MAML3: variants seen among roughly 807,000 people sequenced by gnomAD.
The protein encoded by MAML3 is mastermind like transcriptional coactivator 3.
A neutral mutation model predicts 101.9 loss-of-function variants in MAML3; 27 were observed. The observed-to-expected ratio is 0.27, with a 90% CI of 0.20 to 0.37. The LOEUF (loss-of-function observed/expected upper bound fraction) is 0.37, where lower values mean the gene tolerates loss of function less well. Ranked by LOEUF, MAML3 falls within the 10% of genes least tolerant of loss-of-function variation. The probability of loss-of-function intolerance (pLI) is 1.00; values close to 1 mark genes in which losing one functional copy is unlikely to be tolerated. For missense variants in MAML3, 1,316 were observed against 1,444.9 expected (o/e 0.91, Z 1.45); for synonymous variants, 501 against 555.9 (o/e 0.90, Z 1.39).
In MAML3 at chr4:139,791,368, G is replaced by A. The variant is rs184510926; in HGVS notation, c.2080-60701C>T. 4.0e-5 allele frequency among the ~76,000 whole-genome samples: 6 copies of A among 151,752 alleles called. No homozygotes were observed. The South Asian group carries it at 8.4e-4, about 21-fold the overall frequency. ...AGAAATTAGCCAGGCATGGTGGCACGTGCCTGTAATCCCAGCTACTCTCGG... is the reference window on the plus strand; with the variant it reads ...AGAAATTAGCCAGGCATGGTGGCACATGCCTGTAATCCCAGCTACTCTCGG... On this transcript the variant is annotated intron_variant, in intron 2 of 4. Transcript: ENST00000509479.
chr4:140,134,473 C>A, intron 1 of MAML3: 1 of 401,652 alleles, frequency 2.5e-6, no homozygotes. Flanking sequence ...GTAAACAGAT[C>A]TATTCTCCAC....
intron 1 of MAML3, among the ~76,000 whole-genome samples, chr4:140,095,422 C>T (rs1343841504): frequency 1.3e-5 from 2 of 152,102 alleles, no homozygotes; most frequent in African/African-American, 4.8e-5. Context: ...CCCCAATTGG[C>T]AACAACACCC....
intron 2 of MAML3, among the ~76,000 whole-genome samples, chr4:139,830,923 A>C (rs368207337): frequency 1.3e-5 from 2 of 152,310 alleles, no homozygotes; most frequent in African/African-American, 4.8e-5. Context: ...TACTTTGAGG[A>C]TACAAAGGAT....
intron 2 of MAML3, among the ~76,000 whole-genome samples, chr4:139,872,036 AAT>A (rs1732018659): frequency 1.3e-5 from 2 of 152,198 alleles, no homozygotes; most frequent in Non-Finnish European, 2.9e-5. Flanking sequence ...AGCAGGCACT[AAT>A]TTTTTGTAGC....
At chr4:140,132,370 A>T (rs1481216333) in intron 1 of MAML3, among the ~76,000 whole-genome samples, 1 of 152,232 alleles carries the variant, frequency 6.6e-6, no homozygotes, top group Non-Finnish European at 1.5e-5. Flanking sequence ...CTGGTCCCTC[A>T]TAGACAAAGA....
chr4:139,924,809 T>A (rs1733189104), intron 1 of MAML3, among the ~76,000 whole-genome samples: 1 of 152,198 alleles, frequency 6.6e-6, no homozygotes, highest in East Asian at 1.9e-4. Context: ...TACTACCTTC[T>A]CTGGGAAGAG....
intron 1 of MAML3, among the ~76,000 whole-genome samples, chr4:140,012,833 A>G (rs549674506): frequency 3.3e-5 from 5 of 152,256 alleles, no homozygotes; most frequent in Admixed American, 6.5e-5. Flanking sequence ...ACCACTAATC[A>G]ATTAGAAATA....
At chr4:140,027,041 G>A (rs1205362218) in intron 1 of MAML3, among the ~76,000 whole-genome samples, 1 of 149,004 alleles carries the variant, frequency 6.7e-6, no homozygotes, top group African/African-American at 2.5e-5. Context: ...CTTAACACAA[G>A]AAAGAAAAAT....
At chr4:139,776,128 A>G (rs961183927) in intron 2 of MAML3, among the ~76,000 whole-genome samples, 2 of 152,260 alleles carry the variant, frequency 1.3e-5, no homozygotes, top group Admixed American at 6.5e-5. Flanking sequence ...CTTCCAATGC[A>G]TGTAGGCTGA....
chr4:139,914,890 G>A (rs1732998917), intron 1 of MAML3, among the ~76,000 whole-genome samples: 1 of 152,196 alleles, frequency 6.6e-6, no homozygotes, highest in Non-Finnish European at 1.5e-5. Context: ...AGTCTGGAGT[G>A]GATAACCCAA....
At chr4:140,152,582 C>T (rs1027212110) in intron 1 of MAML3, among the ~76,000 whole-genome samples, 1 of 151,976 alleles carries the variant, frequency 6.6e-6, no homozygotes, top group Admixed American at 6.5e-5. Flanking sequence ...GCACCTCACT[C>T]CGACGCTCCT....
chr4:139,996,714 TC>T (rs1176336006), intron 1 of MAML3, among the ~76,000 whole-genome samples: 4 of 151,944 alleles, frequency 2.6e-5, no homozygotes, highest in African/African-American at 9.7e-5. Flanking sequence ...TGTGTTTTAA[TC>T]CAGTCTGACA....
chr4:140,043,946 T>C (rs2110912445), intron 1 of MAML3, among the ~76,000 whole-genome samples: 1 of 152,302 alleles, frequency 6.6e-6, no homozygotes, highest in East Asian at 1.9e-4. Context: ...ATGAAAAGAT[T>C]ATAAATCTAA....
At position 139,846,811 on chromosome 4, in the gene MAML3, T is replaced by C. The variant is rs146551682; in HGVS notation, c.2079+42546A>G. Among the ~76,000 whole-genome samples the C allele has an allele frequency of 2.5e-4, 38 of 152,346 alleles. No individual in the cohort carries two copies. The East Asian group carries it at 5.6e-3, about 22-fold the overall frequency. ...CCTATTGCATGGCTTTATTAGGATA[T>C]CCTTTAATTTAGAAAATCAAGGTGA... On this transcript the variant is annotated intron_variant, in intron 2 of 4. Transcript: ENST00000509479.
intron 1 of MAML3, among the ~76,000 whole-genome samples, chr4:140,130,322 T>C (rs1405617976): frequency 1.3e-5 from 2 of 152,334 alleles, no homozygotes; most frequent in Middle Eastern, 6.8e-3. Context: ...GTGAGTCCTA[T>C]AGGTTGGCCC....
chr4:139,852,894 T>A (rs1578631338), intron 2 of MAML3, among the ~76,000 whole-genome samples: 1 of 152,316 alleles, frequency 6.6e-6, no homozygotes, highest in East Asian at 1.9e-4. Context: ...TTTGTTTCCC[T>A]TTACCAGTTG....
intron 1 of MAML3, among the ~76,000 whole-genome samples, chr4:139,979,336 T>A (rs1734403123): frequency 6.6e-6 from 1 of 152,192 alleles, no homozygotes; most frequent in Admixed American, 6.5e-5. Flanking sequence ...CATTTAAACA[T>A]GCCTTCTCAC....
intron 1 of MAML3, among the ~76,000 whole-genome samples, chr4:140,128,304 A>T (rs1371445107): frequency 6.6e-6 from 1 of 152,178 alleles, no homozygotes; most frequent in African/African-American, 2.4e-5. Flanking sequence ...GTTTAGATAC[A>T]GTCACAGATG....
chr4:140,104,757 G>T (rs1414762729), intron 1 of MAML3, among the ~76,000 whole-genome samples: 7 of 151,938 alleles, frequency 4.6e-5, no homozygotes, highest in African/African-American at 1.2e-4. Context: ...CTTCCAAAGT[G>T]CTGGGATTAC....
Sources: gnomAD v4.1 joint callset for allele counts (sites outside exome capture counted in the v4.1 genomes callset) on GRCh38, gnomAD v4.1.1 for gene constraint, MANE v1.5 for transcripts, NCBI Gene and HGNC (gene_info 2026-07-23, HGNC 2026-07-21) for gene names.